MOCS1: variants seen among roughly 807,000 people sequenced by gnomAD.
MOCS1 encodes the protein molybdenum cofactor biosynthesis protein 1.
MOCS1 carries 39 observed loss-of-function variants against 57.6 expected under a neutral mutation model. The observed-to-expected ratio is 0.68, with a 90% CI of 0.52 to 0.88. The LOEUF is 0.88. Ranked by LOEUF, MOCS1 falls within the 40% of genes least tolerant of loss-of-function variation. The probability of loss-of-function intolerance (pLI) is 0.00; values close to 1 mark genes in which losing one functional copy is unlikely to be tolerated. For missense variants in MOCS1, 795 were observed against 831.1 expected, an observed-to-expected ratio of 0.96 and a Z score of 0.53; for synonymous variants, 334 against 335.7, an observed-to-expected ratio of 1.00 and a Z score of 0.05.
At chr6:39,931,618 G>C (rs1768647762) in intron 1 of MOCS1, among the ~76,000 whole-genome samples, 1 of 151,428 alleles carries the variant, frequency 6.6e-6, no homozygotes, top group Admixed American at 6.6e-5. Flanking sequence ...GGGCAGATTG[G>C]AAGTCAAGAT....
At chr6:39,913,200 A>G (rs1767443578) in intron 6 of MOCS1, 117 bp downstream of exon 6, 2 of 983,592 alleles carry the variant, frequency 2.0e-6, no homozygotes, top group East Asian at 2.4e-5. Flanking sequence ...CCAACAGCCC[A>G]TCATAATCCT....
In MOCS1 at chr6:39,925,801, C is replaced by T; in HGVS notation, c.295G>A (p.Ala99Thr). The change falls in exon 3 of 11, where the codon GCC becomes ACC. Residue 99 changes from alanine to threonine, a missense_variant. Ala to Thr is a moderately conservative substitution (Grantham distance 58). This residue lies in a region of MOCS1 where 416 missense variants were observed against 392.4 expected (regional missense o/e 1.06). Transcript: ENST00000340692. Reference protein sequence around the residue: ...PEEGVPLTPKANLLTTEEILT... With the variant: ...PEEGVPLTPKTNLLTTEEILT... ...ATCTCCTCTGTGGTCAGCAGGTTGG[C>T]TTTGGGGGTCAGCGGGACCCCCTCC... 6.2e-7 allele frequency: 1 copy of T among 1,612,774 alleles called. No individual in the cohort carries two copies. Among genetic ancestry groups the T allele is most frequent in the Non-Finnish European group, 8.5e-7 (1 of 1,179,948 alleles).
rs1462174852 is a variant in MOCS1, at chr6:39,905,599, T to G, written c.*758A>C. The G allele has an allele frequency of 2.1e-6, 1 of 471,162 alleles. No individual in the cohort carries two copies. Among genetic ancestry groups the G allele is most frequent in the South Asian group, 1.5e-5 (1 of 64,568 alleles). The allele number at this position is 471,162 out of a possible 1,614,324, so 29.2% of individuals were successfully genotyped here. ...CTATCATCAACTTTTCTTTCCCTGA[T>G]ATGCTCCAGAATAAAGAGGGGTGGG... On this transcript the variant is annotated 3_prime_UTR_variant, in exon 11 of 11. Transcript: ENST00000340692.
rs1334898151 is a variant in MOCS1, at chr6:39,912,902, C to A, written c.860G>T (p.Ser287Ile). Reference sequence around the variant, plus strand: ...CTCCTGCTCCCTAACCTTGGCTGTGCTGGATTCCTCCTCTGGCACCTTCTC... The same window carrying A: ...CTCCTGCTCCCTAACCTTGGCTGTGATGGATTCCTCCTCTGGCACCTTCTC... Reference protein sequence around the residue: ...ELEKVPEEESSTAKAFKIPGF... With the variant: ...ELEKVPEEESITAKAFKIPGF... The change falls in exon 7 of 11, where the codon AGC becomes ATC. Residue 287 changes from serine (S) to isoleucine (I), a missense_variant. By Grantham distance (142) the Ser-to-Ile change is moderately radical (BLOSUM62 -2). This residue lies in a region of MOCS1 where 416 missense variants were observed against 392.4 expected (regional missense o/e 1.06). Transcript: ENST00000340692. The A allele has an allele frequency of 6.2e-7, 1 of 1,614,082 alleles. No individual in the cohort carries two copies.
intron 3 of MOCS1, among the ~76,000 whole-genome samples, chr6:39,925,006 G>A (rs1196879987): frequency 6.6e-6 from 1 of 152,188 alleles, no homozygotes; most frequent in East Asian, 1.9e-4. Context: ...CTTGAACCTG[G>A]GAGGTGGAGG....
Position 39,904,260 on chromosome 6 carries a change from A to G in MOCS1, c.*2097T>C, listed in dbSNP as rs1333317503. The G allele has an allele frequency of 2.2e-6, 1 of 456,688 alleles. No individual in the cohort carries two copies. The highest frequency in any genetic ancestry group is 6.9e-5 in the East Asian group (1 of 14,398). The allele number at this position is 456,688 out of a possible 1,614,324, so 28.3% of individuals were successfully genotyped here. ...CGTTGTTCCAGAGCTCAGCCTTCTC[A>G]CTCTAAAAGAAAGATATTTTTCTAT... On this transcript the variant is annotated 3_prime_UTR_variant, in exon 11 of 11. Transcript: ENST00000340692.
Position 39,925,737 on chromosome 6 carries a change from T to C in MOCS1, c.359A>G (p.Asp120Gly), listed in dbSNP as rs773683592. The C allele has an allele frequency of 6.2e-7, 1 of 1,612,834 alleles. No homozygotes were observed. Among genetic ancestry groups the C allele is most frequent in the South Asian group, 1.1e-5 (1 of 91,080 alleles). The change falls in exon 3 of 11, where the codon GAC (aspartate) becomes GGC (glycine). Residue 120 changes from aspartate (D) to glycine (G), a missense_variant. Asp to Gly is a moderately conservative substitution (Grantham distance 94). This residue lies in a region of MOCS1 where 416 missense variants were observed against 392.4 expected (regional missense o/e 1.06). Transcript: ENST00000340692. ...CTCTCCACCTGTGAGCCGGATCTTG[T>C]CGATGCCTTCCTTCACAAAGAGCCG... ...LARLFVKEGI[D>G]KIRLTGGEPL...
Position 39,905,834 on chromosome 6 carries a change from A to ACAGGGCAGGG in MOCS1, c.*513_*522dup, listed in dbSNP as rs1554187905. On this transcript the variant is annotated 3_prime_UTR_variant, in exon 11 of 11. Coordinates refer to ENST00000340692, the MANE Select transcript of MOCS1 (RefSeq NM_001358530.2). ...AGAGATGAAGTCAGGACAGGACAGG[A>ACAGGGCAGGG]CAGGGCAGGGCTGCGGCTTCACAGA... 2 of 470,832 alleles carry ACAGGGCAGGG rather than the reference A, an allele frequency of 4.2e-6. No homozygotes were observed. Among genetic ancestry groups the ACAGGGCAGGG allele is most frequent in the African/African-American group, 2.0e-5 (1 of 49,964 alleles). The allele number at this position is 470,832 out of a possible 1,614,324, so 29.2% of individuals were successfully genotyped here.
rs202233034 is a variant in MOCS1, at chr6:39,934,336, T to A, written c.82A>T (p.Thr28Ser). 95 of 1,551,336 alleles carry A rather than the reference T, an allele frequency of 6.1e-5. No homozygotes were observed. The African/African-American group carries it at 8.7e-4, about 14-fold the overall frequency. ...ARSCSSGAPV[T>S]QPCPGESARA... ...GCGGACTCCCCGGGGCAGGGCTGGG[T>A]CACCGGAGCCCCTGAGCTGCAGCTC... Residue 28 changes from threonine (T) to serine (S), a missense_variant, in exon 1 of 11, where the codon ACC (threonine) becomes TCC (serine). By Grantham distance (58) the Thr-to-Ser change is moderately conservative. Around this residue, in one of 3 missense-constraint regions of MOCS1, gnomAD observed 416 missense variants for 392.4 expected, o/e 1.06. Transcript: ENST00000340692.
At chr6:39,915,816 A>C (rs538835276) in intron 4 of MOCS1, among the ~76,000 whole-genome samples, 42 of 150,478 alleles carry the variant, frequency 2.8e-4, no homozygotes, top group Non-Finnish European at 4.9e-4. Context: ...TCATTCTAAA[A>C]CCCCCTCAAG....
intron 1 of MOCS1, among the ~76,000 whole-genome samples, chr6:39,928,903 A>C (rs915162372): frequency 6.6e-6 from 1 of 152,208 alleles, no homozygotes; most frequent in Non-Finnish European, 1.5e-5. Context: ...CATTTGCTTC[A>C]GTAAGTTCCT....
At chr6:39,930,465 T>C (rs1403475795) in intron 1 of MOCS1, among the ~76,000 whole-genome samples, 1 of 152,202 alleles carries the variant, frequency 6.6e-6, no homozygotes, top group Non-Finnish European at 1.5e-5. Flanking sequence ...ACATTTTGAA[T>C]CACATGAACA....
Position 39,913,006 on chromosome 6 carries a change from T to C in MOCS1, c.758-2A>G. On this transcript the variant is annotated splice_acceptor_variant, in intron 6 of 10. Transcript: ENST00000340692. LOFTEE classifies it high-confidence loss of function. ...TCTTCTTGAAGTTCCACTTGTTGCCTGTATTCGGGATGGGGGAAGGCAAGG... is the reference window on the plus strand; with the variant it reads ...TCTTCTTGAAGTTCCACTTGTTGCCCGTATTCGGGATGGGGGAAGGCAAGG... 1.2e-6 allele frequency: 2 copies of C among 1,613,602 alleles called. No individual in the cohort carries two copies. Among genetic ancestry groups the C allele is most frequent in the Non-Finnish European group, 1.7e-6 (2 of 1,179,532 alleles).
intron 3 of MOCS1, among the ~76,000 whole-genome samples, chr6:39,924,188 T>C (rs569958176): frequency 2.6e-5 from 4 of 152,284 alleles, no homozygotes; most frequent in African/African-American, 7.2e-5. Flanking sequence ...AGGTCAACCT[T>C]ATAAGGTAGG....
rs185302026 is a variant in MOCS1, at chr6:39,924,718, T to C, written c.418+960A>G. Among the ~76,000 whole-genome samples, 85 of 152,302 alleles carry C rather than the reference T, an allele frequency of 5.6e-4. 1 individual carries two copies. The Middle Eastern group carries it at 0.014, about 24-fold the overall frequency. ...ACTCCATTAATAGACACTGAACATA[T>C]AGGATTTTATAATTTTCGTGTGGTA... On this transcript the variant is annotated intron_variant, in intron 3 of 10. Transcript: ENST00000340692.
chr6:39,905,465 C>T lies in MOCS1; in HGVS notation c.*892G>A. On this transcript the variant is annotated 3_prime_UTR_variant, in exon 11 of 11. Coordinates refer to ENST00000340692, the MANE Select transcript of MOCS1 (RefSeq NM_001358530.2). Reference sequence around the variant, plus strand: ...TTGATTGATTGATAGGTGCAGCCTTCCCTGTGAAACTGCAGCAGCTCAGTG... The same window carrying T: ...TTGATTGATTGATAGGTGCAGCCTTTCCTGTGAAACTGCAGCAGCTCAGTG... 2.1e-6 allele frequency: 1 copy of T among 471,100 alleles called. No individual in the cohort carries two copies. The highest frequency in any genetic ancestry group is 3.2e-4 in the Middle Eastern group (1 of 3,078). 29.2% of individuals were successfully genotyped at this position (471,100 alleles called of 1,614,324 possible). A position where few individuals can be genotyped will look rare whatever the true frequency, so the allele number is the denominator to read the frequency against.
At chr6:39,913,931 T>C (rs1767505712) in intron 4 of MOCS1, 96 bp from the exon 5 acceptor site, 6 of 1,263,200 alleles carry the variant, frequency 4.7e-6, no homozygotes, top group South Asian at 1.2e-5. Flanking sequence ...AGTCTGGAGA[T>C]TGGCAAACGT....
chr6:39,910,738 T>A (rs1767272372), intron 8 of MOCS1, among the ~76,000 whole-genome samples: 1 of 152,166 alleles, frequency 6.6e-6, no homozygotes, highest in East Asian at 1.9e-4. Context: ...CTGTTATTCC[T>A]CATGCCTCGC....
Position 39,904,598 on chromosome 6 carries a change from G to C in MOCS1, c.*1759C>G, listed in dbSNP as rs1766705595. ...TGATGGAAATAAAGTGTTTAGGGCAGTGGGAGGAGAAAATTCTCCAGGTGA... is the reference window on the plus strand; with the variant it reads ...TGATGGAAATAAAGTGTTTAGGGCACTGGGAGGAGAAAATTCTCCAGGTGA... On this transcript the variant is annotated 3_prime_UTR_variant, in exon 11 of 11. Coordinates refer to ENST00000340692, the MANE Select transcript of MOCS1 (RefSeq NM_001358530.2). The C allele has an allele frequency of 2.2e-6, 1 of 454,198 alleles. No homozygotes were observed. Among genetic ancestry groups the C allele is most frequent in the Admixed American group, 2.3e-5 (1 of 42,564 alleles). 28.1% of individuals were successfully genotyped at this position (454,198 alleles called of 1,614,324 possible). A position where few individuals can be genotyped will look rare whatever the true frequency, so the allele number is the denominator to read the frequency against.
Sources: gnomAD v4.1 joint callset for allele counts (sites outside exome capture counted in the v4.1 genomes callset) on GRCh38, gnomAD v4.1.1 for gene constraint, gnomAD v4.1.1 regional missense constraint, MANE v1.5 for transcripts, NCBI Gene and HGNC (gene_info 2026-07-23, HGNC 2026-07-21) for gene names.